Variants in GRID2 observed in about 807,000 individuals in gnomAD.
The protein encoded by GRID2 is glutamate ionotropic receptor delta type subunit 2, also known as glutamate receptor ionotropic, delta-2.
Under a neutral mutation model 114.8 loss-of-function variants are expected in GRID2, and 33 were observed. The ratio of observed to expected loss-of-function variants is 0.29; its 90% CI spans 0.22 to 0.38. The LOEUF is 0.38. Among genes scored for constraint, GRID2 ranks in the 10% least tolerant of loss-of-function variants. The pLI is 1.00. For missense variants in GRID2, 1,184 were observed against 1,257.7 expected, an observed-to-expected ratio of 0.94 and a Z score of 0.89; for synonymous variants, 505 against 449.9, an observed-to-expected ratio of 1.12 and a Z score of -1.55.
chr4:93,711,558 A>G (rs1293376641), intron 14 of GRID2, among the ~76,000 whole-genome samples: 1 of 152,058 alleles, frequency 6.6e-6, no homozygotes, highest in Non-Finnish European at 1.5e-5. Flanking sequence ...GGCTTGATAA[A>G]ACTCAAGTTC....
At position 93,238,501 on chromosome 4, in the gene GRID2, A is replaced by G; in HGVS notation, c.1245+11A>G. ...AGAGGTGTTCGAAAAGTAAGACAAG[A>G]CACACTGATTAATACGCTTTTTCCT... On this transcript the variant is annotated intron_variant, in intron 8 of 15. Transcript: ENST00000282020. 1 of 1,607,306 alleles carries G rather than the reference A, an allele frequency of 6.2e-7. No homozygotes were observed. Among genetic ancestry groups the G allele is most frequent in the Non-Finnish European group, 8.5e-7 (1 of 1,174,840 alleles).
rs1330070332 is a variant in GRID2, at chr4:93,375,809, G to C, written c.1246-19798G>C. 2.0e-5 allele frequency among the ~76,000 whole-genome samples: 3 copies of C among 152,234 alleles called. No individual in the cohort carries two copies. The East Asian group carries it at 5.8e-4, about 29-fold the overall frequency. On this transcript the variant is annotated intron_variant, in intron 8 of 15. Coordinates refer to ENST00000282020, the MANE Select transcript of GRID2 (RefSeq NM_001510.4). ...TTCAGCACATGAATGAAGAAGAAATGGTAAAAGTAAAACATGAACATTTGG... is the reference window on the plus strand; with the variant it reads ...TTCAGCACATGAATGAAGAAGAAATCGTAAAAGTAAAACATGAACATTTGG...
At chr4:93,587,655 TA>T (rs1168286436) in intron 13 of GRID2, among the ~76,000 whole-genome samples, 1 of 152,174 alleles carries the variant, frequency 6.6e-6, no homozygotes, top group Admixed American at 6.6e-5. Flanking sequence ...CTTTCTCTAA[TA>T]TTTTCTAGTC....
At chr4:92,346,958 A>T (rs1224941070) in intron 1 of GRID2, among the ~76,000 whole-genome samples, 2 of 152,122 alleles carry the variant, frequency 1.3e-5, no homozygotes, top group Non-Finnish European at 2.9e-5. Context: ...TCATCTTTTG[A>T]TACTTCTCCT....
At chr4:93,250,880 T>G (rs911948724) in intron 8 of GRID2, among the ~76,000 whole-genome samples, 2 of 151,746 alleles carry the variant, frequency 1.3e-5, no homozygotes, top group Non-Finnish European at 2.9e-5. Flanking sequence ...GTATAAAGTC[T>G]ATTAAAACAT....
intron 2 of GRID2, among the ~76,000 whole-genome samples, chr4:93,041,496 C>A (rs1011908501): frequency 1.3e-5 from 2 of 152,106 alleles, no homozygotes; most frequent in African/African-American, 4.8e-5. Context: ...TAACTTAATT[C>A]ATTGAGTTGT....
intron 2 of GRID2, among the ~76,000 whole-genome samples, chr4:92,924,649 A>G (rs1749667353): frequency 6.6e-6 from 1 of 152,154 alleles, no homozygotes; most frequent in Non-Finnish European, 1.5e-5. Flanking sequence ...TTCTAGTTAC[A>G]TTCACTGCAT....
intron 2 of GRID2, among the ~76,000 whole-genome samples, chr4:92,958,212 C>T (rs1752556158): frequency 6.6e-6 from 1 of 151,976 alleles, no homozygotes; most frequent in Non-Finnish European, 1.5e-5. Flanking sequence ...GTTAACCTTG[C>T]CTACTTCCTG....
chr4:93,506,256 C>A (rs7698449), intron 12 of GRID2, among the ~76,000 whole-genome samples: 47 of 152,086 alleles, frequency 3.1e-4, no homozygotes, highest in Middle Eastern at 3.4e-3. Context: ...TTCGTCGGGA[C>A]AGAGTGCAGA....
At chr4:92,675,757 T>C (rs945291587) in intron 2 of GRID2, among the ~76,000 whole-genome samples, 2 of 151,966 alleles carry the variant, frequency 1.3e-5, no homozygotes, top group African/African-American at 4.8e-5. Flanking sequence ...GGTTTCACCA[T>C]GTTAGCTAGG....
chr4:93,335,937 T>C (rs756776667), intron 8 of GRID2, among the ~76,000 whole-genome samples: 2 of 152,174 alleles, frequency 1.3e-5, no homozygotes, highest in East Asian at 1.9e-4. Context: ...TCTGCTCACA[T>C]TGGCCTCCCA....
chr4:92,403,264 G>T (rs911741023), intron 1 of GRID2, among the ~76,000 whole-genome samples: 4 of 152,108 alleles, frequency 2.6e-5, no homozygotes, highest in Non-Finnish European at 5.9e-5. Context: ...GTTTTCACTT[G>T]AGTAGTACTT....
intron 13 of GRID2, among the ~76,000 whole-genome samples, chr4:93,528,452 T>C (rs1216068228): frequency 6.6e-6 from 1 of 152,072 alleles, no homozygotes; most frequent in Non-Finnish European, 1.5e-5. Context: ...AACATTTATT[T>C]TGTTTTTTTG....
In GRID2 at chr4:93,020,468, T is replaced by C. The variant is rs1022755023; in HGVS notation, c.245-64527T>C. Among the ~76,000 whole-genome samples, 40 of 152,302 alleles carry C rather than the reference T, an allele frequency of 2.6e-4. No homozygotes were observed. The East Asian group carries it at 7.1e-3, about 27-fold the overall frequency. On this transcript the variant is annotated intron_variant, in intron 2 of 15. Coordinates refer to ENST00000282020, the MANE Select transcript of GRID2 (RefSeq NM_001510.4). ...AAAAGTTCACATACATATGCCACTG[T>C]GGCAAAAGGATTCTCATTATTGAAA...
chr4:93,016,853 T>G (rs950751553), intron 2 of GRID2, among the ~76,000 whole-genome samples: 2 of 152,306 alleles, frequency 1.3e-5, no homozygotes, highest in South Asian at 2.1e-4. Flanking sequence ...TTAGAATAAG[T>G]TATCACATTA....
chr4:93,440,791 G>T (rs982192241), intron 10 of GRID2, among the ~76,000 whole-genome samples: 4 of 152,074 alleles, frequency 2.6e-5, no homozygotes, highest in Non-Finnish European at 5.9e-5. Flanking sequence ...AAATTTGCAG[G>T]TGATATTTAA....
intron 2 of GRID2, among the ~76,000 whole-genome samples, chr4:92,972,432 G>A (rs113509035): frequency 0.025 from 3,870 of 151,796 alleles, 91 homozygotes; most frequent in African/African-American, 0.056. Context: ...ATGAATAAAC[G>A]TAAAATATAA....
chr4:93,499,092 A>G (rs549489940), intron 12 of GRID2, among the ~76,000 whole-genome samples: 2 of 151,978 alleles, frequency 1.3e-5, no homozygotes, highest in South Asian at 4.1e-4. Context: ...CATTTCAACA[A>G]CTATTTTTAA....
Position 92,449,056 on chromosome 4 carries a change from A to G in GRID2, c.89-141075A>G, listed in dbSNP as rs565780652. Among the ~76,000 whole-genome samples, 21 of 152,182 alleles carry G rather than the reference A, an allele frequency of 1.4e-4. No individual in the cohort carries two copies. In the South Asian group the frequency reaches 3.7e-3, roughly 27 times the overall value. On this transcript the variant is annotated intron_variant, in intron 1 of 15. Coordinates refer to ENST00000282020, the MANE Select transcript of GRID2 (RefSeq NM_001510.4). ...AAATATAACTAGAAATTATCGTGCA[A>G]TATTTTATTGGGTAACATGATTTAG...
Sources: gnomAD v4.1 joint callset for allele counts (sites outside exome capture counted in the v4.1 genomes callset) on GRCh38, gnomAD v4.1.1 for gene constraint, MANE v1.5 for transcripts, NCBI Gene and HGNC (gene_info 2026-07-23, HGNC 2026-07-21) for gene names.